PIWIL4: variants seen among roughly 807,000 people sequenced by gnomAD.
PIWIL4 encodes the protein piwi like RNA-mediated gene silencing 4.
PIWIL4 carries 50 observed loss-of-function variants against 100.9 expected under a neutral mutation model. The ratio of observed to expected loss-of-function variants is 0.50; its 90% CI spans 0.39 to 0.63. The LOEUF (loss-of-function observed/expected upper bound fraction) is 0.63, where lower values mean the gene tolerates loss of function less well. Among genes scored for constraint, PIWIL4 ranks in the 20% least tolerant of loss-of-function variants. The probability of loss-of-function intolerance (pLI) is 0.00; values close to 1 mark genes in which losing one functional copy is unlikely to be tolerated. For missense variants in PIWIL4, 887 were observed against 1,043.3 expected, an observed-to-expected ratio of 0.85 and a Z score of 2.06; for synonymous variants, 342 against 367.5, an observed-to-expected ratio of 0.93 and a Z score of 0.79.
intron 19 of PIWIL4, 148 bp from the exon 20 acceptor site, chr11:94,620,728 G>T (rs1056519105): frequency 2.0e-5 from 12 of 586,766 alleles, no homozygotes; most frequent in African/African-American, 1.9e-4. Context: ...AGTAAGTTAG[G>T]TTACCTTTTG....
At chr11:94,583,241 T>C (rs1185282487) in intron 4 of PIWIL4, among the ~76,000 whole-genome samples, 1 of 151,816 alleles carries the variant, frequency 6.6e-6, no homozygotes, top group Non-Finnish European at 1.5e-5. Flanking sequence ...AGTTAGAGAG[T>C]AGAGAGATGT....
Position 94,618,106 on chromosome 11 carries a change from A to C in PIWIL4, c.2167A>C (p.Ser723Arg). ...SSVAESSSNT[S>R]SRLSVIVVRK... ...TGTGGCAGAATCCAGCTCAAATACCAGGTATTCAATTATTGTTCTTTCCTC... is the reference window on the plus strand; with the variant it reads ...TGTGGCAGAATCCAGCTCAAATACCCGGTATTCAATTATTGTTCTTTCCTC... The change falls in exon 17 of 20, where the codon AGC becomes CGC. Residue 723 changes from serine (S) to arginine (R), a missense_variant and splice_region_variant. Ser to Arg is a moderately radical substitution (Grantham distance 110, BLOSUM62 -1). Transcript: ENST00000299001. 6.4e-7 allele frequency: 1 copy of C among 1,561,904 alleles called. No individual in the cohort carries two copies. Among genetic ancestry groups the C allele is most frequent in the Non-Finnish European group, 8.7e-7 (1 of 1,150,412 alleles).
intron 11 of PIWIL4, among the ~76,000 whole-genome samples, chr11:94,600,720 TGGGTC>T (rs1948624779): frequency 6.6e-6 from 1 of 152,090 alleles, no homozygotes. Flanking sequence ...TATAGGAGAC[TGGGTC>T]TATTTCACCT....
chr11:94,587,703 A>G (rs1050530038), intron 7 of PIWIL4, among the ~76,000 whole-genome samples: 1 of 152,210 alleles, frequency 6.6e-6, no homozygotes, highest in Non-Finnish European at 1.5e-5. Flanking sequence ...CACTTTGCTT[A>G]TGGCTACCTT....
chr11:94,590,577 C>T (rs1948470299), intron 8 of PIWIL4, among the ~76,000 whole-genome samples: 1 of 152,156 alleles, frequency 6.6e-6, no homozygotes, highest in African/African-American at 2.4e-5. Flanking sequence ...CATGAATACC[C>T]TGCAGGCATC....
intron 12 of PIWIL4, among the ~76,000 whole-genome samples, chr11:94,603,208 CG>C (rs11326491): frequency 0.042 from 6,437 of 152,116 alleles, 300 homozygotes; most frequent in East Asian, 0.13. Context: ...TGAGACGGTT[CG>C]GCCAGCCAGT....
chr11:94,590,819 C>T (rs796120673), intron 8 of PIWIL4, among the ~76,000 whole-genome samples: 32 of 152,232 alleles, frequency 2.1e-4, no homozygotes, highest in African/African-American at 6.7e-4. Flanking sequence ...CTCCCACTAC[C>T]GTCACTCTTT....
At chr11:94,602,081 T>C in intron 12 of PIWIL4, 102 bp downstream of exon 12, 1 of 1,121,990 alleles carries the variant, frequency 8.9e-7, no homozygotes, top group Non-Finnish European at 1.3e-6. Context: ...CCCAGTAGTT[T>C]CCTAATGTAA....
chr11:94,586,969 G>GA, intron 6 of PIWIL4, 81 bp from the exon 7 acceptor site: 1 of 1,259,304 alleles, frequency 7.9e-7, no homozygotes, highest in South Asian at 1.4e-5. Flanking sequence ...AATTAGAACA[G>GA]AAAATCACCA....
intron 11 of PIWIL4, among the ~76,000 whole-genome samples, chr11:94,601,197 A>G (rs1186577917): frequency 6.6e-6 from 1 of 152,084 alleles, no homozygotes; most frequent in Non-Finnish European, 1.5e-5. Flanking sequence ...TAAACACTGC[A>G]GTAAAGACAG....
At chr11:94,588,667 G>A (rs966358311) in intron 7 of PIWIL4, among the ~76,000 whole-genome samples, 1 of 152,192 alleles carries the variant, frequency 6.6e-6, no homozygotes, top group Non-Finnish European at 1.5e-5. Flanking sequence ...CAGCCCTAGC[G>A]GGTAGGTTAA....
At chr11:94,597,739 C>A in intron 10 of PIWIL4, 65 bp from the exon 11 acceptor site, 1 of 1,152,268 alleles carries the variant, frequency 8.7e-7, no homozygotes, top group East Asian at 2.5e-5. Flanking sequence ...AAAATCAGCC[C>A]CTGACGAATT....
intron 10 of PIWIL4, 24 bp from the exon 11 acceptor site, chr11:94,597,780 G>T: frequency 3.3e-6 from 5 of 1,532,360 alleles, no homozygotes; most frequent in South Asian, 1.1e-5. Context: ...TCTCTTTAAT[G>T]ATTTAAAACA....
chr11:94,587,033 CTT>C lies in PIWIL4; in HGVS notation c.717-12_717-11del, dbSNP rs765958814. On this transcript the variant is annotated splice_polypyrimidine_tract_variant and intron_variant, in intron 6 of 19. Coordinates refer to ENST00000299001, the MANE Select transcript of PIWIL4 (RefSeq NM_152431.3). ...TAACATTGACAATATTCCTTTTTTT[CTT>C]TTTTGTTTTTAAAGATTATCCCTTT... 7 of 1,572,722 alleles carry C rather than the reference CTT, an allele frequency of 4.5e-6. 1 individual carries two copies. The South Asian group carries it at 7.9e-5, about 18-fold the overall frequency.
chr11:94,604,318 A>G (rs1298724909), intron 13 of PIWIL4, among the ~76,000 whole-genome samples: 2 of 152,166 alleles, frequency 1.3e-5, no homozygotes, highest in Non-Finnish European at 2.9e-5. Context: ...CATTGGGGTC[A>G]TCTTTTCCTT....
Position 94,568,815 on chromosome 11 carries a change from GCAGCT to G in PIWIL4, c.166+12_166+16del. 1 of 1,588,402 alleles carries G rather than the reference GCAGCT, an allele frequency of 6.3e-7. No homozygotes were observed. The highest frequency in any genetic ancestry group is 1.3e-5 in the African/African-American group (1 of 74,482). On this transcript the variant is annotated splice_region_variant and intron_variant, in intron 2 of 19. Transcript: ENST00000299001. ...AGCAGGATCTCAACCAACGGTAAGTGCAGCTCAGCCTGTTCATTTAGTACCATTCA... is the reference window on the plus strand; with the variant it reads ...AGCAGGATCTCAACCAACGGTAAGTGCAGCCTGTTCATTTAGTACCATTCA...
At chr11:94,603,319 A>C (rs1948670974) in intron 12 of PIWIL4, among the ~76,000 whole-genome samples, 1 of 152,200 alleles carries the variant, frequency 6.6e-6, no homozygotes, top group Non-Finnish European at 1.5e-5. Flanking sequence ...GTTCACTTAT[A>C]TACACATAAA....
At chr11:94,568,643 T>G in intron 1 of PIWIL4, 87 bp from the exon 2 acceptor site, 2 of 1,031,034 alleles carry the variant, frequency 1.9e-6, no homozygotes, top group Non-Finnish European at 3.0e-6. Context: ...CATGGTAATC[T>G]AAAGACCTGA....
chr11:94,586,764 C>T (rs1468734879), intron 6 of PIWIL4, among the ~76,000 whole-genome samples: 1 of 152,176 alleles, frequency 6.6e-6, no homozygotes, highest in Non-Finnish European at 1.5e-5. Context: ...AAACATCCTA[C>T]AGTACACAGG....
Sources: allele counts gnomAD v4.1 joint callset (sites outside exome capture counted in the v4.1 genomes callset), GRCh38; gene constraint gnomAD v4.1.1; transcripts MANE v1.5; gene names NCBI Gene and HGNC (gene_info 2026-07-23, HGNC 2026-07-21).